PCGF3: variants seen among roughly 807,000 people sequenced by gnomAD.
PCGF3 encodes polycomb group RING finger protein 3.
PCGF3 carries 7 observed loss-of-function variants against 33.1 expected under a neutral mutation model. That is an observed-to-expected ratio of 0.21 (90% CI 0.12 to 0.40). PCGF3 has a LOEUF of 0.40. PCGF3 is among the 10% of genes least tolerant of loss of function. The pLI is 1.00. For missense variants in PCGF3, 211 were observed against 313.3 expected (o/e 0.67, Z 2.46); for synonymous variants, 153 against 121.3 (o/e 1.26, Z -1.72).
At chr4:730,399 A>G (rs1054318486) in intron 1 of PCGF3, among the ~76,000 whole-genome samples, 2 of 149,926 alleles carry the variant, frequency 1.3e-5, no homozygotes, top group Non-Finnish European at 3.0e-5. Context: ...CCACGTGCCC[A>G]CTCCTGCTGT....
intron 9 of PCGF3, chr4:764,701 A>G (rs969593635): frequency 2.9e-6 from 1 of 350,020 alleles, no homozygotes; most frequent in Non-Finnish European, 5.3e-6. Context: ...CTGCGCCTGC[A>G]CCCCCTGCAG....
intron 9 of PCGF3, chr4:762,937 G>A (rs964236232): frequency 6.6e-6 from 1 of 152,264 alleles, no homozygotes; most frequent in Non-Finnish European, 1.5e-5. Flanking sequence ...GGGGCTGCTC[G>A]GTTTGGGGTG....
At chr4:766,865 C>T (rs544203853) in exon 11 of PCGF3, 1 of 152,224 alleles carries the variant, frequency 6.6e-6, no homozygotes, top group Non-Finnish European at 1.5e-5. Context: ...CGGAACAACT[C>T]TTACTTTTAA....
At chr4:711,746 C>T (rs1211279943) in intron 1 of PCGF3, among the ~76,000 whole-genome samples, 3 of 151,638 alleles carry the variant, frequency 2.0e-5, no homozygotes, top group African/African-American at 4.8e-5. Flanking sequence ...CGTGAGCCAC[C>T]GCACCCGGCC....
At chr4:734,102 T>C in intron 4 of PCGF3, 1 of 1,550,642 alleles carries the variant, frequency 6.4e-7, no homozygotes, top group Non-Finnish European at 8.7e-7. Context: ...TTTCCAAATC[T>C]CCAGAGGAGT....
intron 1 of PCGF3, among the ~76,000 whole-genome samples, chr4:706,283 G>T (rs1210390971): frequency 2.7e-5 from 4 of 150,678 alleles, no homozygotes; most frequent in Admixed American, 2.0e-4. Context: ...GCCCAGGCAG[G>T]ACTCCGGGAG....
chr4:709,432 G>C (rs895481296), intron 1 of PCGF3, among the ~76,000 whole-genome samples: 4 of 152,092 alleles, frequency 2.6e-5, no homozygotes, highest in Middle Eastern at 3.4e-3. Context: ...ATGAACAAAT[G>C]AATGAAAGGC....
chr4:766,182 C>A (rs1577453719), exon 11 of PCGF3: 4 of 851,106 alleles, frequency 4.7e-6, no homozygotes, highest in South Asian at 2.9e-5. Flanking sequence ...GACCAGACTT[C>A]TGAATAGAGA....
intron 8 of PCGF3, among the ~76,000 whole-genome samples, chr4:752,289 C>T (rs931413836): frequency 1.3e-5 from 2 of 152,246 alleles, no homozygotes; most frequent in African/African-American, 4.8e-5. Flanking sequence ...CTCTGTGTGA[C>T]CCCATTCCTT....
chr4:722,386 T>A (rs1277724507), intron 1 of PCGF3: 1 of 201,262 alleles, frequency 5.0e-6, no homozygotes. Context: ...AGCTGGAGGC[T>A]GCCCCAGGCA....
exon 8 of PCGF3, chr4:744,665 G>A: frequency 6.4e-7 from 1 of 1,558,004 alleles, no homozygotes. Context: ...GGAGGACAAC[G>A]ACTACCACCG....
At chr4:734,219 G>T in intron 4 of PCGF3, 1 of 1,515,310 alleles carries the variant, frequency 6.6e-7, no homozygotes, top group Non-Finnish European at 8.9e-7. Context: ...CACACCTGGG[G>T]CTGGACCTGA....
rs556094559 is a variant in PCGF3 at position 760,641 on chromosome 4, G to A, written c.463-638G>A. Among the ~76,000 whole-genome samples, 16 of 152,364 alleles carry A rather than the reference G, an allele frequency of 1.1e-4. No individual in the cohort carries two copies. The South Asian group carries it at 2.5e-3, about 24-fold the overall frequency. Reference sequence around the variant, plus strand: ...TTGTTGCGGCTCCACCTGTAGAAGCGTTTGCCGTGAGCGTCGCCCTTCCTT... The same window carrying A: ...TTGTTGCGGCTCCACCTGTAGAAGCATTTGCCGTGAGCGTCGCCCTTCCTT... On this transcript the variant is annotated intron_variant, in intron 8 of 10. Coordinates refer to ENST00000362003, the Ensembl canonical transcript of PCGF3.
chr4:722,944 C>G (rs551276842), intron 1 of PCGF3, among the ~76,000 whole-genome samples: 7 of 135,650 alleles, frequency 5.2e-5, no homozygotes, highest in Non-Finnish European at 1.1e-4. Context: ...GGTCCACACT[C>G]GCGACATCGC....
At chr4:767,005 G>A (rs1326022944) in exon 11 of PCGF3, 1 of 152,362 alleles carries the variant, frequency 6.6e-6, no homozygotes, top group Non-Finnish European at 1.5e-5. Context: ...TCCGTGGGGA[G>A]GATTTGCTGG....
At chr4:761,538 A>T in intron 9 of PCGF3, 122 bp downstream of exon 9, 1 of 1,425,782 alleles carries the variant, frequency 7.0e-7, no homozygotes, top group Non-Finnish European at 9.4e-7. Context: ...AACCAGAAAA[A>T]AATCCGTTTT....
chr4:706,669 C>T (rs1316889643), intron 1 of PCGF3, among the ~76,000 whole-genome samples: 1 of 98,040 alleles, frequency 1.0e-5, no homozygotes, highest in African/African-American at 4.1e-5. Context: ...AAGACCCCAG[C>T]CCAGGCAGGA....
chr4:751,006 TC>T (rs1744487160), intron 8 of PCGF3, among the ~76,000 whole-genome samples: 1 of 152,184 alleles, frequency 6.6e-6, no homozygotes, highest in Non-Finnish European at 1.5e-5. Flanking sequence ...TCTCAGGTTC[TC>T]TTTGATAGGA....
At chr4:711,853 T>G (rs1357507677) in intron 1 of PCGF3, among the ~76,000 whole-genome samples, 2 of 151,134 alleles carry the variant, frequency 1.3e-5, no homozygotes, top group African/African-American at 4.9e-5. Context: ...CCCAGCTACT[T>G]GGGAGGCTGA....
Sources: allele counts gnomAD v4.1 joint callset (sites outside exome capture counted in the v4.1 genomes callset), GRCh38; gene constraint gnomAD v4.1.1; transcripts MANE v1.5; gene names NCBI Gene and HGNC (gene_info 2026-07-23, HGNC 2026-07-21).